SDK1: variants seen among roughly 807,000 people sequenced by gnomAD.
The protein encoded by SDK1 is protein sidekick-1.
SDK1 carries 157 observed loss-of-function variants against 245.5 expected under a neutral mutation model. That is an observed-to-expected ratio of 0.64 (90% confidence interval 0.56 to 0.73). The LOEUF is 0.73. Ranked by LOEUF, SDK1 falls within the 30% of genes least tolerant of loss-of-function variation. The pLI is 0.00. For synonymous variants in SDK1, 1,647 were observed against 1,278.5 expected, an observed-to-expected ratio of 1.29 and a Z score of -6.15; for missense variants, 3,583 against 3,002.3, an observed-to-expected ratio of 1.19 and a Z score of -4.52.
At chr7:3,903,343 C>T (rs1781855951) in intron 5 of SDK1, among the ~76,000 whole-genome samples, 1 of 152,044 alleles carries the variant, frequency 6.6e-6, no homozygotes, top group African/African-American at 2.4e-5. Flanking sequence ...CGAGGTTTCA[C>T]CGTGTTAGCC....
At chr7:4,053,885 C>CT (rs1334345277) in intron 19 of SDK1, among the ~76,000 whole-genome samples, 5 of 151,876 alleles carry the variant, frequency 3.3e-5, no homozygotes, top group African/African-American at 7.3e-5. Flanking sequence ...CTGATTTTGG[C>CT]TTTTTTTGTT....
intron 4 of SDK1, among the ~76,000 whole-genome samples, chr7:3,794,178 G>C (rs1488930836): frequency 6.6e-6 from 1 of 152,088 alleles, no homozygotes; most frequent in African/African-American, 2.4e-5. Context: ...AAGGAGAACG[G>C]CGTGAATGTG....
intron 1 of SDK1, among the ~76,000 whole-genome samples, chr7:3,504,005 C>A (rs1353928798): frequency 6.6e-6 from 1 of 151,796 alleles, no homozygotes; most frequent in Non-Finnish European, 1.5e-5. Flanking sequence ...CAAAAATTAG[C>A]CGGGCATGGT....
At chr7:4,223,065 A>C (rs1785230643) in intron 40 of SDK1, among the ~76,000 whole-genome samples, 1 of 151,522 alleles carries the variant, frequency 6.6e-6, no homozygotes, top group Non-Finnish European at 1.5e-5. Flanking sequence ...CCTGGGTGAC[A>C]GAGCAAGGCT....
chr7:3,696,161 A>G (rs1260428479), intron 4 of SDK1, among the ~76,000 whole-genome samples: 1 of 151,942 alleles, frequency 6.6e-6, no homozygotes, highest in East Asian at 1.9e-4. Context: ...CCTCCTAGAG[A>G]TGATGTCCTG....
chr7:3,627,604 C>G (rs1020039298), intron 2 of SDK1, among the ~76,000 whole-genome samples: 25 of 152,248 alleles, frequency 1.6e-4, no homozygotes, highest in Non-Finnish European at 7.3e-5. Context: ...GCATCAGTCT[C>G]TGCCGTTGCC....
intron 17 of SDK1, among the ~76,000 whole-genome samples, chr7:4,043,453 G>A (rs1788791702): frequency 1.3e-5 from 2 of 151,416 alleles, no homozygotes; most frequent in Admixed American, 1.3e-4. Flanking sequence ...CAGGGCCTCA[G>A]GTAGAATGAG....
chr7:4,161,988 C>T (rs2128212690), intron 32 of SDK1, 132 bp downstream of exon 32: 1 of 705,034 alleles, frequency 1.4e-6, no homozygotes, highest in Non-Finnish European at 2.4e-6. Context: ...CAAGGAGACA[C>T]ACCCTCAGAC....
At chr7:4,063,641 A>G (rs959174353) in intron 19 of SDK1, among the ~76,000 whole-genome samples, 1 of 151,600 alleles carries the variant, frequency 6.6e-6, no homozygotes, top group Non-Finnish European at 1.5e-5. Flanking sequence ...GTGGAACCCA[A>G]AAAGAGCCCA....
At chr7:3,699,014 C>A (rs1365341233) in intron 4 of SDK1, among the ~76,000 whole-genome samples, 1 of 152,262 alleles carries the variant, frequency 6.6e-6, no homozygotes, top group Non-Finnish European at 1.5e-5. Context: ...CTGGGAGGAA[C>A]AAGGAATCAA....
intron 1 of SDK1, among the ~76,000 whole-genome samples, chr7:3,618,436 G>A (rs533501742): frequency 6.6e-6 from 1 of 152,096 alleles, no homozygotes; most frequent in African/African-American, 2.4e-5. Flanking sequence ...ATTCTGTCTG[G>A]CTTCTTTCAC....
intron 38 of SDK1, among the ~76,000 whole-genome samples, chr7:4,214,551 C>G (rs1784681798): frequency 6.6e-6 from 1 of 152,210 alleles, no homozygotes; most frequent in South Asian, 2.1e-4. Flanking sequence ...CTTTGCAGCT[C>G]CTTCCTTGGC....
intron 35 of SDK1, among the ~76,000 whole-genome samples, chr7:4,205,254 A>G (rs540571229): frequency 1.3e-5 from 2 of 152,294 alleles, no homozygotes; most frequent in East Asian, 3.9e-4. Flanking sequence ...GACGAACTTC[A>G]TCTAGATCAG....
intron 30 of SDK1, among the ~76,000 whole-genome samples, chr7:4,153,964 A>T (rs951705540): frequency 2.0e-4 from 31 of 152,072 alleles, no homozygotes; most frequent in African/African-American, 7.2e-4. Context: ...TACAGGCATG[A>T]GCTAACATGC....
chr7:4,250,057 A>G (rs1787190951), intron 44 of SDK1, among the ~76,000 whole-genome samples: 1 of 152,166 alleles, frequency 6.6e-6, no homozygotes, highest in South Asian at 2.1e-4. Context: ...ATACACCTGC[A>G]GCCAACCCCA....
intron 4 of SDK1, among the ~76,000 whole-genome samples, chr7:3,759,017 G>T (rs989146216): frequency 2.0e-5 from 3 of 152,160 alleles, no homozygotes; most frequent in Non-Finnish European, 4.4e-5. Context: ...GGAGAAACCT[G>T]ACTCGCATTA....
intron 4 of SDK1, among the ~76,000 whole-genome samples, chr7:3,795,104 T>G (rs1778930564): frequency 6.6e-6 from 1 of 152,176 alleles, no homozygotes; most frequent in South Asian, 2.1e-4. Flanking sequence ...AGAGCCTCAG[T>G]GAGGGCAAGT....
At chr7:3,789,390 C>G (rs1476866034) in intron 4 of SDK1, among the ~76,000 whole-genome samples, 1 of 152,198 alleles carries the variant, frequency 6.6e-6, no homozygotes, top group African/African-American at 2.4e-5. Flanking sequence ...TCAGGTGATC[C>G]ACTCGCCTCA....
At chr7:3,789,311 C>A (rs940592321) in intron 4 of SDK1, among the ~76,000 whole-genome samples, 1 of 152,114 alleles carries the variant, frequency 6.6e-6, no homozygotes, top group African/African-American at 2.4e-5. Flanking sequence ...CCACGCCCGG[C>A]TAATTTTTGT....
Sources: allele counts gnomAD v4.1 joint callset (sites outside exome capture counted in the v4.1 genomes callset), GRCh38; gene constraint gnomAD v4.1.1; transcripts MANE v1.5; gene names NCBI Gene and HGNC (gene_info 2026-07-23, HGNC 2026-07-21).